The following HDAC9 variants were observed in gnomAD, a reference collection of about 807,000 sequenced individuals.
HDAC9 encodes the protein MEF-2 interacting transcription repressor (MITR) protein.
In HDAC9, 41 loss-of-function variants were observed where a neutral mutation model predicts 139.4. The ratio of observed to expected loss-of-function variants is 0.29; its 90% confidence interval spans 0.23 to 0.38. HDAC9 has a LOEUF of 0.38. Among genes scored for constraint, HDAC9 ranks in the 10% least tolerant of loss-of-function variants. The probability of loss-of-function intolerance (pLI) is 1.00; values close to 1 mark genes in which losing one functional copy is unlikely to be tolerated. For synonymous variants in HDAC9, 517 were observed against 476.2 expected (o/e 1.09, Z -1.12); for missense variants, 1,147 against 1,297.0 (o/e 0.88, Z 1.78).
intron 24 of HDAC9, among the ~76,000 whole-genome samples, chr7:18,963,046 C>A (rs948287372): frequency 6.6e-6 from 1 of 151,696 alleles, no homozygotes; most frequent in African/African-American, 2.4e-5. Flanking sequence ...TGCCTCTTCC[C>A]AAGTATAGAC....
At chr7:18,663,285 G>T (rs1584750745) in intron 11 of HDAC9, among the ~76,000 whole-genome samples, 1 of 152,098 alleles carries the variant, frequency 6.6e-6, no homozygotes, top group East Asian at 1.9e-4. Context: ...AGGTTAGGAG[G>T]TTGAGACACT....
intron 1 of HDAC9, among the ~76,000 whole-genome samples, chr7:18,404,417 G>A (rs1186895009): frequency 1.3e-5 from 2 of 152,176 alleles, no homozygotes; most frequent in African/African-American, 4.8e-5. Context: ...AGGAGAATGA[G>A]AATAGGTTGT....
At chr7:18,906,126 TC>T (rs1415321217) in intron 22 of HDAC9, among the ~76,000 whole-genome samples, 2 of 151,546 alleles carry the variant, frequency 1.3e-5, no homozygotes, top group Admixed American at 6.6e-5. Flanking sequence ...AATGTCTTTT[TC>T]CTTTTTTTTT....
At chr7:18,774,513 C>T (rs1790590252) in intron 16 of HDAC9, among the ~76,000 whole-genome samples, 1 of 152,006 alleles carries the variant, frequency 6.6e-6, no homozygotes, top group Admixed American at 6.6e-5. Context: ...TATGTTTATA[C>T]TGTCCTGTAG....
chr7:18,674,272 T>A (rs1781358810), intron 12 of HDAC9, among the ~76,000 whole-genome samples: 2 of 152,046 alleles, frequency 1.3e-5, no homozygotes, highest in African/African-American at 4.8e-5. Context: ...TTATACTACT[T>A]CAATTAACTT....
intron 24 of HDAC9, among the ~76,000 whole-genome samples, chr7:18,965,565 T>A (rs1297641387): frequency 1.3e-5 from 2 of 152,226 alleles, no homozygotes; most frequent in East Asian, 3.8e-4. Context: ...AATAGTGAAG[T>A]GTGACGAGAA....
intron 2 of HDAC9, among the ~76,000 whole-genome samples, chr7:18,245,015 A>ATCTATCTATCTATCTATCTATCTG: frequency 6.6e-6 from 1 of 152,036 alleles, no homozygotes; most frequent in South Asian, 2.1e-4. Context: ...CTATCTATCT[A>ATCTATCTATCTATCTATCTATCTG]TCTATCTATT....
At chr7:18,286,712 C>T (rs756006314), upstream of HDAC9, among the ~76,000 whole-genome samples, 1 of 151,670 alleles carries the variant, frequency 6.6e-6, no homozygotes, top group Non-Finnish European at 1.5e-5. Context: ...TATTGAATTC[C>T]ATCATGACTC....
intron 2 of HDAC9, among the ~76,000 whole-genome samples, chr7:18,163,004 G>A (rs898036463): frequency 2.0e-5 from 3 of 152,150 alleles, no homozygotes; most frequent in Non-Finnish European, 4.4e-5. Flanking sequence ...CCACATACTA[G>A]TAACAGACAA....
At chr7:18,156,042 T>C (rs528900720) in intron 1 of HDAC9, among the ~76,000 whole-genome samples, 1 of 152,268 alleles carries the variant, frequency 6.6e-6, no homozygotes, top group East Asian at 1.9e-4. Flanking sequence ...TCAGGAGCAC[T>C]GTGAGCACAG....
chr7:18,435,059 C>CAAAAAAAAAAAAAAAAAAAAAAAAA (rs376786180), intron 1 of HDAC9, among the ~76,000 whole-genome samples: 1 of 67,810 alleles, frequency 1.5e-5, no homozygotes, highest in Non-Finnish European at 2.6e-5. Flanking sequence ...ACTACACAGC[C>CAAAAAAAAAAAAAAAAAAAAAAAAA]AAAAAAAAAA....
intron 2 of HDAC9, among the ~76,000 whole-genome samples, chr7:18,212,528 AAT>A (rs1249712690): frequency 6.6e-6 from 1 of 152,190 alleles, no homozygotes; most frequent in African/African-American, 2.4e-5. Context: ...GTTTACATTT[AAT>A]ATGTTATTTA....
chr7:18,766,067 G>A (rs945743122), intron 15 of HDAC9, among the ~76,000 whole-genome samples: 1 of 152,136 alleles, frequency 6.6e-6, no homozygotes, highest in African/African-American at 2.4e-5. Context: ...TACTGACGTG[G>A]TGTATGAATT....
intron 2 of HDAC9, chr7:18,517,988 A>G (rs1039776148): frequency 1.1e-4 from 16 of 152,254 alleles, no homozygotes; most frequent in East Asian, 7.7e-4. Flanking sequence ...ACATGCTCAC[A>G]CTTACAGTTA....
chr7:18,188,721 A>G (rs1007619089), intron 2 of HDAC9, among the ~76,000 whole-genome samples: 12 of 152,248 alleles, frequency 7.9e-5, no homozygotes, highest in Admixed American at 7.2e-4. Context: ...ACGTTTACAT[A>G]GCCAGCGAAC....
At chr7:18,989,082 ATG>A (rs1275451298) in intron 25 of HDAC9, among the ~76,000 whole-genome samples, 3 of 136,334 alleles carry the variant, frequency 2.2e-5, no homozygotes, top group African/African-American at 8.6e-5. Flanking sequence ...TAATATTGTT[ATG>A]TGTGAATTTG....
At chr7:18,381,515 C>G (rs375057163) in intron 1 of HDAC9, among the ~76,000 whole-genome samples, 1 of 151,756 alleles carries the variant, frequency 6.6e-6, no homozygotes, top group Non-Finnish European at 1.5e-5. Context: ...TAATCACTGA[C>G]AAGAAAATAG....
At chr7:18,632,082 G>A (rs931360534) in intron 7 of HDAC9, among the ~76,000 whole-genome samples, 10 of 151,852 alleles carry the variant, frequency 6.6e-5, no homozygotes, top group Admixed American at 5.3e-4. Flanking sequence ...ATATGGAAAT[G>A]AGACATTAAT....
intron 22 of HDAC9, among the ~76,000 whole-genome samples, chr7:18,897,833 A>AAAG (rs1554396669): frequency 1.3e-5 from 2 of 150,044 alleles, no homozygotes; most frequent in African/African-American, 2.4e-5. Flanking sequence ...AAAAAAAAAA[A>AAAG]ATCCCTCCAT....
Sources: gnomAD v4.1 joint callset for allele counts (sites outside exome capture counted in the v4.1 genomes callset) on GRCh38, gnomAD v4.1.1 for gene constraint, MANE v1.5 for transcripts, NCBI Gene and HGNC (gene_info 2026-07-23, HGNC 2026-07-21) for gene names.